Variants in FGF12 observed in about 807,000 individuals in gnomAD.
FGF12 encodes fibroblast growth factor 12.
FGF12 carries 14 observed loss-of-function variants against 23.6 expected under a neutral mutation model. That is an observed-to-expected ratio of 0.59 (90% confidence interval 0.39 to 0.93). The LOEUF (loss-of-function observed/expected upper bound fraction) is 0.93. Among genes scored for constraint, FGF12 ranks in the 40% least tolerant of loss-of-function variants. The probability of loss-of-function intolerance (pLI) is 0.00; values close to 1 mark genes in which losing one functional copy is unlikely to be tolerated. For missense variants in FGF12, 175 were observed against 217.8 expected, an observed-to-expected ratio of 0.80 and a Z score of 1.24; for synonymous variants, 62 against 77.3, an observed-to-expected ratio of 0.80 and a Z score of 1.04.
Position 192,442,398 on chromosome 3 carries a change from A to T in FGF12, c.14-81860T>A, listed in dbSNP as rs1222954534. The stretch of plus-strand genomic sequence containing the variant: ...TATTAATTGAATAAATGCATGAGAC[A>T]ATTAAGTGAAATCAGCAATATTATA... On this transcript the variant is annotated intron_variant, in intron 2 of 5. Transcript: ENST00000445105. 2.6e-5 allele frequency among the ~76,000 whole-genome samples: 4 copies of T among 152,242 alleles called. No homozygotes were observed. In the East Asian group the frequency reaches 5.8e-4, roughly 22 times the overall value.
intron 5 of FGF12, among the ~76,000 whole-genome samples, chr3:192,158,209 T>C (rs574703060): frequency 3.9e-5 from 6 of 152,304 alleles, no homozygotes; most frequent in African/African-American, 1.4e-4. Flanking sequence ...TCTCTCATGC[T>C]TCGCAAGTTA....
chr3:192,321,446 C>G (rs144558083), intron 4 of FGF12, among the ~76,000 whole-genome samples: 1 of 150,464 alleles, frequency 6.6e-6, no homozygotes, highest in Admixed American at 6.6e-5. Context: ...ATAATACTCA[C>G]TCTGTGAGGC....
At chr3:192,727,358 A>C (rs1719253363) in intron 1 of FGF12, 35 bp from the exon 2 acceptor site, 1 of 1,522,868 alleles carries the variant, frequency 6.6e-7, no homozygotes, top group African/African-American at 1.4e-5. Flanking sequence ...TTGAAGCTGC[A>C]ATCAGCCACC....
chr3:192,410,021 G>C (rs1430700952), intron 2 of FGF12, among the ~76,000 whole-genome samples: 1 of 152,102 alleles, frequency 6.6e-6, no homozygotes, highest in African/African-American at 2.4e-5. Context: ...TGGCTCAGCT[G>C]GAGTGCTAGC....
chr3:192,683,303 T>G (rs977890347), intron 2 of FGF12, among the ~76,000 whole-genome samples: 3 of 152,192 alleles, frequency 2.0e-5, no homozygotes, highest in Admixed American at 2.0e-4. Context: ...AGATTTGACT[T>G]GCAGCATTAC....
intron 4 of FGF12, among the ~76,000 whole-genome samples, chr3:192,213,125 T>C (rs1718019668): frequency 6.6e-6 from 1 of 152,252 alleles, no homozygotes; most frequent in Non-Finnish European, 1.5e-5. Context: ...CTTACGCTTC[T>C]GGGCAAGAAA....
Position 192,181,991 on chromosome 3 carries a change from T to C in FGF12, c.229-11335A>G, listed in dbSNP as rs146964792. ...CAATGAAAAAAAAGAACATAATGAA[T>C]AAACAATAAACAGCAGAAAAAATAT... is the stretch of plus-strand genomic sequence containing the variant. On this transcript the variant is annotated intron_variant, in intron 4 of 5. Coordinates refer to ENST00000445105, the MANE Select transcript of FGF12 (RefSeq NM_004113.6). 3.3e-3 allele frequency among the ~76,000 whole-genome samples: 506 copies of C among 151,998 alleles called. 8 individuals are homozygous for C. Among genetic ancestry groups the C allele is most frequent in the East Asian group, 0.032 (163 of 5,168 alleles).
intron 5 of FGF12, 134 bp downstream of exon 5, chr3:192,170,324 C>G: frequency 1.5e-6 from 1 of 665,692 alleles, no homozygotes; most frequent in South Asian, 1.9e-5. Flanking sequence ...ATTGTGTTCT[C>G]TGAATATTTC....
intron 2 of FGF12, among the ~76,000 whole-genome samples, chr3:192,722,278 T>C (rs1398344476): frequency 1.3e-5 from 2 of 152,218 alleles, no homozygotes; most frequent in African/African-American, 4.8e-5. Context: ...CTTATCTCAC[T>C]ATACTGGCTC....
intron 2 of FGF12, among the ~76,000 whole-genome samples, chr3:192,593,345 G>C (rs1713703719): frequency 6.6e-6 from 1 of 151,688 alleles, no homozygotes; most frequent in Non-Finnish European, 1.5e-5. Context: ...ATCATACGTA[G>C]AATAGCAACC....
intron 2 of FGF12, among the ~76,000 whole-genome samples, chr3:192,368,862 A>G (rs954216119): frequency 6.6e-6 from 1 of 152,130 alleles, no homozygotes; most frequent in Non-Finnish European, 1.5e-5. Flanking sequence ...CCCTTTCTCT[A>G]CTTGCTTTCT....
intron 4 of FGF12, among the ~76,000 whole-genome samples, chr3:192,225,930 ATGGCT>A (rs1312757143): frequency 6.6e-6 from 1 of 152,182 alleles, no homozygotes; most frequent in Admixed American, 6.6e-5. Context: ...TAGTAAACTG[ATGGCT>A]GCCAGGGGCT....
chr3:192,647,022 C>T (rs6765738), intron 2 of FGF12, among the ~76,000 whole-genome samples: 87,973 of 151,844 alleles, frequency 0.58, 25,837 homozygotes, highest in East Asian at 0.67. Context: ...ATATTGTCTT[C>T]AACGAGTTGT....
chr3:192,475,050 G>A (rs1242078888), intron 2 of FGF12, among the ~76,000 whole-genome samples: 1 of 151,938 alleles, frequency 6.6e-6, no homozygotes, highest in Non-Finnish European at 1.5e-5. Context: ...GAGCAATCCT[G>A]GTATCCTTCT....
At chr3:192,215,725 AC>A (rs1718161800) in intron 4 of FGF12, among the ~76,000 whole-genome samples, 1 of 152,026 alleles carries the variant, frequency 6.6e-6, no homozygotes, top group African/African-American at 2.4e-5. Flanking sequence ...TTCCTCCAAA[AC>A]CTTTTTCCCC....
intron 2 of FGF12, among the ~76,000 whole-genome samples, chr3:192,678,935 C>T (rs1443445416): frequency 1.3e-5 from 2 of 152,142 alleles, no homozygotes; most frequent in Admixed American, 6.5e-5. Context: ...CTTGCTGGGC[C>T]TACTCCAGAG....
At position 192,274,034 on chromosome 3, in the gene FGF12, A is replaced by G. The variant is rs114557610; in HGVS notation, c.228+61327T>C. On this transcript the variant is annotated intron_variant, in intron 4 of 5. Transcript: ENST00000445105. ...TTTTTACAAACATAAAACCTAAAAT[A>G]GATGCCTCAAGGTTAACACATCCTA... Among the ~76,000 whole-genome samples the G allele has an allele frequency of 3.6e-3, 551 of 152,312 alleles. 3 individuals carry two copies. The highest frequency in any genetic ancestry group is 7.0e-3 in the South Asian group (34 of 4,828).
At chr3:192,447,696 C>T (rs1268686530) in intron 2 of FGF12, among the ~76,000 whole-genome samples, 1 of 152,138 alleles carries the variant, frequency 6.6e-6, no homozygotes, top group Non-Finnish European at 1.5e-5. Context: ...AATCATTTTA[C>T]CATTACACAG....
At position 192,266,478 on chromosome 3, in the gene FGF12, AG is replaced by A. The variant is rs562379732; in HGVS notation, c.228+68882del. Among the ~76,000 whole-genome samples, 650 of 152,238 alleles carry A rather than the reference AG, an allele frequency of 4.3e-3. 2 individuals carry two copies. The highest frequency in any genetic ancestry group is 7.6e-3 in the Non-Finnish European group (514 of 67,996). On this transcript the variant is annotated intron_variant, in intron 4 of 5. Transcript: ENST00000445105. Reference sequence around the variant, plus strand: ...TAGGAGGTTCAGTCAAAGGAATGTCAGGGAAAGGCTTTCTCCAACCAGTATC... The same window carrying A: ...TAGGAGGTTCAGTCAAAGGAATGTCAGGAAAGGCTTTCTCCAACCAGTATC...
Sources: gnomAD v4.1 joint callset for allele counts (sites outside exome capture counted in the v4.1 genomes callset) on GRCh38, gnomAD v4.1.1 for gene constraint, MANE v1.5 for transcripts, NCBI Gene and HGNC (gene_info 2026-07-23, HGNC 2026-07-21) for gene names.